Variants in FHIT observed in about 807,000 individuals in gnomAD.
FHIT encodes bis(5'-adenosyl)-triphosphatase.
FHIT carries 19 observed loss-of-function variants against 17.9 expected under a neutral mutation model. The observed-to-expected ratio is 1.06, with a 90% confidence interval of 0.74 to 1.56. FHIT has a LOEUF of 1.56. Among genes scored for constraint, FHIT ranks in the 40% most tolerant of loss-of-function variants. FHIT has a pLI of 0.00. For synonymous variants in FHIT, 81 were observed against 69.7 expected (o/e 1.16, Z -0.81); for missense variants, 248 against 189.2 (o/e 1.31, Z -1.82).
intron 2 of FHIT, among the ~76,000 whole-genome samples, chr3:61,179,224 G>A (rs1249791424): frequency 4.0e-5 from 6 of 151,694 alleles, no homozygotes; most frequent in South Asian, 2.1e-4. Context: ...TGGCCAGAAT[G>A]GTCTTGATCC....
intron 4 of FHIT, among the ~76,000 whole-genome samples, chr3:60,784,930 C>T (rs192813879): frequency 2.6e-5 from 4 of 152,126 alleles, no homozygotes; most frequent in East Asian, 1.9e-4. Flanking sequence ...CATTAGACAC[C>T]GGATCTGGAC....
chr3:59,790,756 C>T (rs1015463676), intron 8 of FHIT, among the ~76,000 whole-genome samples: 1 of 152,162 alleles, frequency 6.6e-6, no homozygotes, highest in African/African-American at 2.4e-5. Flanking sequence ...CTCCCCAACA[C>T]TGTAATATCT....
At chr3:60,312,384 C>T (rs770612086) in intron 5 of FHIT, among the ~76,000 whole-genome samples, 2 of 152,110 alleles carry the variant, frequency 1.3e-5, no homozygotes, top group Non-Finnish European at 2.9e-5. Flanking sequence ...ACAAGTGATC[C>T]TCCTTGCCTT....
At chr3:61,112,506 G>A (rs372603860) in intron 2 of FHIT, among the ~76,000 whole-genome samples, 1 of 152,192 alleles carries the variant, frequency 6.6e-6, no homozygotes, top group African/African-American at 2.4e-5. Flanking sequence ...GTTATTCAAT[G>A]ACAATTGAAA....
chr3:60,832,154 A>G (rs1351048317), intron 3 of FHIT, among the ~76,000 whole-genome samples: 1 of 152,112 alleles, frequency 6.6e-6, no homozygotes, highest in Non-Finnish European at 1.5e-5. Context: ...ACATTAAAGT[A>G]TGCAATCTTC....
At chr3:59,862,199 G>C (rs931105427) in intron 8 of FHIT, among the ~76,000 whole-genome samples, 14 of 152,232 alleles carry the variant, frequency 9.2e-5, no homozygotes, top group African/African-American at 3.4e-4. Flanking sequence ...CATGGTGAAA[G>C]GCAAAGGAGA....
chr3:60,708,903 AT>A (rs2041444369), intron 4 of FHIT, among the ~76,000 whole-genome samples: 2 of 152,304 alleles, frequency 1.3e-5, no homozygotes, highest in Admixed American at 1.3e-4. Flanking sequence ...AGCTAGTAAC[AT>A]TTGTAAACTT....
At chr3:60,975,544 G>A (rs1440868341) in intron 3 of FHIT, among the ~76,000 whole-genome samples, 2 of 152,220 alleles carry the variant, frequency 1.3e-5, no homozygotes, top group African/African-American at 4.8e-5. Context: ...AAACAAATGA[G>A]AAATCAAAAG....
intron 3 of FHIT, among the ~76,000 whole-genome samples, chr3:60,923,185 A>AT (rs1256558938): frequency 2.0e-5 from 3 of 152,278 alleles, no homozygotes; most frequent in African/African-American, 4.8e-5. Context: ...CTAAGTTGTC[A>AT]TTTTTTTACA....
intron 5 of FHIT, among the ~76,000 whole-genome samples, chr3:60,321,732 A>G (rs565380071): frequency 6.6e-6 from 1 of 152,182 alleles, no homozygotes; most frequent in South Asian, 2.1e-4. Flanking sequence ...AATAATAGAA[A>G]TTTATTTTTC....
At chr3:60,634,498 A>G (rs185639090) in intron 4 of FHIT, among the ~76,000 whole-genome samples, 55 of 152,312 alleles carry the variant, frequency 3.6e-4, no homozygotes, top group African/African-American at 1.3e-3. Flanking sequence ...TCCCTCTCAC[A>G]TATAAAAACT....
chr3:61,008,132 T>TCACC (rs2031570886), intron 3 of FHIT, among the ~76,000 whole-genome samples: 7 of 152,332 alleles, frequency 4.6e-5, no homozygotes, highest in African/African-American at 1.7e-4. Flanking sequence ...TTCTAGGGAA[T>TCACC]TCAACCAAAG....
intron 7 of FHIT, among the ~76,000 whole-genome samples, chr3:59,993,067 A>G (rs17254231): frequency 0.098 from 14,844 of 152,108 alleles, 978 homozygotes; most frequent in South Asian, 0.19. Context: ...CCAATATTTC[A>G]CTTAGGCCAT....
At chr3:61,161,927 A>G (rs1375655652) in intron 2 of FHIT, among the ~76,000 whole-genome samples, 3 of 152,340 alleles carry the variant, frequency 2.0e-5, no homozygotes, top group South Asian at 2.1e-4. Context: ...AGGTGTCTAC[A>G]CTGAACACAT....
At chr3:61,186,332 C>G (rs992704547) in intron 2 of FHIT, among the ~76,000 whole-genome samples, 2 of 152,198 alleles carry the variant, frequency 1.3e-5, no homozygotes, top group Non-Finnish European at 2.9e-5. Context: ...AGAATTAAGA[C>G]GGCAGCTAAC....
intron 8 of FHIT, among the ~76,000 whole-genome samples, chr3:59,808,455 C>T (rs1039338105): frequency 6.6e-6 from 1 of 152,170 alleles, no homozygotes; most frequent in South Asian, 2.1e-4. Flanking sequence ...ACAACCCCAC[C>T]TCTGCCAGTG....
chr3:61,205,183 G>C (rs543539178), intron 1 of FHIT, among the ~76,000 whole-genome samples: 2 of 152,158 alleles, frequency 1.3e-5, no homozygotes, highest in East Asian at 3.9e-4. Flanking sequence ...AGTATTCCAT[G>C]GTGTATATGT....
At chr3:60,564,659 CTAGAAT>C (rs2037068912) in intron 4 of FHIT, among the ~76,000 whole-genome samples, 2 of 152,066 alleles carry the variant, frequency 1.3e-5, no homozygotes, top group Admixed American at 6.6e-5. Flanking sequence ...AGCAGGAAAA[CTAGAAT>C]TAGAAGTAAA....
intron 4 of FHIT, among the ~76,000 whole-genome samples, chr3:60,594,103 T>A (rs1385043206): frequency 6.6e-6 from 1 of 152,144 alleles, no homozygotes; most frequent in Non-Finnish European, 1.5e-5. Context: ...CCAGAAAAGT[T>A]AACACCTATA....
Sources: allele counts gnomAD v4.1 joint callset (sites outside exome capture counted in the v4.1 genomes callset), GRCh38; gene constraint gnomAD v4.1.1; transcripts MANE v1.5; gene names NCBI Gene and HGNC (gene_info 2026-07-23, HGNC 2026-07-21).